FAM83B: variants seen among roughly 807,000 people sequenced by gnomAD.
FAM83B encodes scaffolding CK1 anchoring protein B.
FAM83B carries 26 observed loss-of-function variants against 38.8 expected under a neutral mutation model. That is an observed-to-expected ratio of 0.67 (90% CI 0.49 to 0.93). The LOEUF (loss-of-function observed/expected upper bound fraction) is 0.93, where lower values mean the gene tolerates loss of function less well. Among genes scored for constraint, FAM83B ranks in the 40% least tolerant of loss-of-function variants. The pLI, the probability that FAM83B is intolerant of heterozygous loss-of-function variation, is 0.00. For missense variants in FAM83B, 1,237 were observed against 1,197.3 expected, an observed-to-expected ratio of 1.03 and a Z score of -0.49; for synonymous variants, 419 against 423.1, an observed-to-expected ratio of 0.99 and a Z score of 0.12.
intron 1 of FAM83B, among the ~76,000 whole-genome samples, chr6:54,854,606 A>G (rs1036002052): frequency 6.6e-5 from 10 of 152,334 alleles, no homozygotes; most frequent in African/African-American, 2.2e-4. Flanking sequence ...TGTTTCAGAC[A>G]TAATGCTATT....
intron 1 of FAM83B, among the ~76,000 whole-genome samples, chr6:54,856,744 G>T (rs1440606455): frequency 6.6e-6 from 1 of 152,084 alleles, no homozygotes; most frequent in African/African-American, 2.4e-5. Context: ...AACATAAAGA[G>T]AAAAGCACTT....
In FAM83B at chr6:54,941,826, A is replaced by G. The variant is rs773851123; in HGVS notation, c.2855A>G (p.Asn952Ser). ...KIESSIQPTS[N>S]MPNTSINRPE... is the part of the protein sequence containing the mutation. Reference sequence around the variant, plus strand: ...GAGAGCTCTATTCAGCCAACAAGCAACATGCCAAATACCAGTATAAATCGC... The same window carrying G: ...GAGAGCTCTATTCAGCCAACAAGCAGCATGCCAAATACCAGTATAAATCGC... Residue 952 changes from asparagine (N) to serine (S), a missense_variant, in exon 5 of 5, where the codon AAC becomes AGC. Transcript: ENST00000306858. 24 of 1,614,134 alleles carry G rather than the reference A, an allele frequency of 1.5e-5. No homozygotes were observed. The highest frequency in any genetic ancestry group is 1.6e-4 in the Middle Eastern group (1 of 6,062).
In FAM83B at chr6:54,926,519, C is replaced by A; in HGVS notation, c.593C>A (p.Ser198Ter). The A allele has an allele frequency of 6.3e-7, 1 of 1,593,560 alleles. No individual in the cohort carries two copies. Among genetic ancestry groups the A allele is most frequent in the African/African-American group, 1.4e-5 (1 of 74,038 alleles). Reference protein sequence around the residue: ...FLNMTEKQGCSVQRLRNIRVR... With the variant: ...FLNMTEKQGC ...AATATGACTGAGAAACAAGGTTGTTCAGTTCAGCGTCTCAGGGTAAGAATT... is the reference window on the plus strand; with the variant it reads ...AATATGACTGAGAAACAAGGTTGTTAAGTTCAGCGTCTCAGGGTAAGAATT... Residue 198 changes from serine to a stop codon, truncating the protein, a stop_gained, in exon 3 of 5, where the codon TCA becomes TAA. Transcript: ENST00000306858. LOFTEE classifies it high-confidence loss of function.
At chr6:54,880,681 G>T (rs1205708883) in intron 2 of FAM83B, among the ~76,000 whole-genome samples, 2 of 152,118 alleles carry the variant, frequency 1.3e-5, no homozygotes, top group African/African-American at 4.8e-5. Context: ...CTGACCTCGT[G>T]ATCTGTCCGC....
At chr6:54,902,246 T>G (rs1328314543) in intron 2 of FAM83B, among the ~76,000 whole-genome samples, 1 of 152,146 alleles carries the variant, frequency 6.6e-6, no homozygotes, top group Non-Finnish European at 1.5e-5. Context: ...TATGGATTTA[T>G]TTTTACTCAT....
intron 1 of FAM83B, among the ~76,000 whole-genome samples, chr6:54,855,418 A>G (rs1194646575): frequency 6.6e-6 from 1 of 152,198 alleles, no homozygotes; most frequent in Non-Finnish European, 1.5e-5. Context: ...TGAAAAAAAT[A>G]TAGAAAGTGG....
At chr6:54,851,493 GAC>G (rs903586033) in intron 1 of FAM83B, among the ~76,000 whole-genome samples, 3 of 151,600 alleles carry the variant, frequency 2.0e-5, no homozygotes, top group Non-Finnish European at 4.4e-5. Flanking sequence ...GTTTTTTTGT[GAC>G]ACAGTCTCAC....
chr6:54,868,750 T>C (rs1771776936), intron 1 of FAM83B, among the ~76,000 whole-genome samples: 1 of 152,142 alleles, frequency 6.6e-6, no homozygotes, highest in Non-Finnish European at 1.5e-5. Context: ...TGGATCAAAT[T>C]ATGACTCAAG....
intron 2 of FAM83B, among the ~76,000 whole-genome samples, chr6:54,890,762 T>A (rs572320730): frequency 2.3e-4 from 35 of 152,240 alleles, no homozygotes; most frequent in South Asian, 6.2e-4. Flanking sequence ...AGTGATAAGA[T>A]CAGTTTAAAA....
intron 2 of FAM83B, among the ~76,000 whole-genome samples, chr6:54,872,550 G>C (rs189523898): frequency 5.5e-4 from 84 of 152,322 alleles, no homozygotes; most frequent in African/African-American, 1.9e-3. Context: ...CACCCTGCGT[G>C]ATAGCTAGTT....
chr6:54,880,986 A>G (rs1039366338), intron 2 of FAM83B, among the ~76,000 whole-genome samples: 2 of 152,084 alleles, frequency 1.3e-5, no homozygotes, highest in African/African-American at 4.8e-5. Context: ...TATATTTGAG[A>G]TCATATGTTG....
upstream of FAM83B, among the ~76,000 whole-genome samples, chr6:54,846,443 G>C (rs1771134594): frequency 6.6e-6 from 1 of 152,212 alleles, no homozygotes; most frequent in Admixed American, 6.5e-5. Context: ...CCTCGCCCCA[G>C]ACCAGGAGCA....
At chr6:54,927,267 A>C (rs1773315001) in intron 3 of FAM83B, among the ~76,000 whole-genome samples, 1 of 152,168 alleles carries the variant, frequency 6.6e-6, no homozygotes, top group South Asian at 2.1e-4. Context: ...TTATAGTGAG[A>C]GGCTGAGTGA....
chr6:54,933,537 G>A (rs1191072579), intron 4 of FAM83B, among the ~76,000 whole-genome samples: 1 of 147,462 alleles, frequency 6.8e-6, no homozygotes, highest in East Asian at 2.3e-4. Flanking sequence ...ATTGGGCTGA[G>A]TTTCCCTGCT....
chr6:54,928,562 C>G (rs539737827), intron 4 of FAM83B, among the ~76,000 whole-genome samples: 1 of 152,114 alleles, frequency 6.6e-6, no homozygotes, highest in South Asian at 2.1e-4. Context: ...AAGCTCGGGA[C>G]CTTTTTAAAA....
chr6:54,924,198 CACA>C (rs1561926526), intron 2 of FAM83B, among the ~76,000 whole-genome samples: 1 of 151,458 alleles, frequency 6.6e-6, no homozygotes, highest in Non-Finnish European at 1.5e-5. Context: ...TACACACACA[CACA>C]CACACACACA....
intron 1 of FAM83B, among the ~76,000 whole-genome samples, chr6:54,867,939 A>G (rs1446182424): frequency 1.3e-5 from 2 of 152,150 alleles, no homozygotes; most frequent in African/African-American, 2.4e-5. Context: ...ACAATTACAA[A>G]TTACAGATGT....
intron 2 of FAM83B, among the ~76,000 whole-genome samples, chr6:54,915,058 T>C (rs1365000826): frequency 2.0e-5 from 3 of 152,120 alleles, no homozygotes; most frequent in Non-Finnish European, 4.4e-5. Context: ...TCTTTCCTAT[T>C]TTATTCTTTT....
Position 54,941,436 on chromosome 6 carries a change from C to A in FAM83B, c.2465C>A (p.Thr822Lys). The A allele has an allele frequency of 6.2e-7, 1 of 1,613,122 alleles. No individual in the cohort carries two copies. The highest frequency in any genetic ancestry group is 8.5e-7 in the Non-Finnish European group (1 of 1,179,812). Residue 822 changes from threonine to lysine, a missense_variant, in exon 5 of 5, where the codon ACA (threonine) becomes AAA (lysine). By Grantham distance (78) the Thr-to-Lys change is moderately conservative. Coordinates refer to ENST00000306858, the MANE Select transcript of FAM83B (RefSeq NM_001010872.3). ...EENQKPKKSD[T>K]KVDSSPRRKH... ...AATCAAAAACCAAAGAAATCAGACA[C>A]AAAAGTTGATTCATCTCCTAGAAGA...
Sources: allele counts gnomAD v4.1 joint callset (sites outside exome capture counted in the v4.1 genomes callset), GRCh38; gene constraint gnomAD v4.1.1; transcripts MANE v1.5; gene names NCBI Gene and HGNC (gene_info 2026-07-23, HGNC 2026-07-21).